Variants in TTN observed in about 807,000 individuals in gnomAD.
TTN encodes the protein titin.
A neutral mutation model predicts 3,223.0 loss-of-function variants in TTN; 1,525 were observed. The observed-to-expected ratio is 0.47, with a 90% CI of 0.45 to 0.49. The LOEUF is 0.49. Among genes scored for constraint, TTN ranks in the 20% least tolerant of loss-of-function variants. TTN has a pLI of 0.00. For synonymous variants in TTN, 14,094 were observed against 15,161.0 expected, an observed-to-expected ratio of 0.93 and a Z score of 5.17; for missense variants, 40,786 against 43,424.0, an observed-to-expected ratio of 0.94 and a Z score of 5.40.
In TTN at chr2:178,789,634, C is replaced by T. The variant is rs1244251242; in HGVS notation, c.1939-137G>A. ...CACAAGAGAAATAAACTTTCACCGG[C>T]AATGTCTACATATACTGACTGAGAA... On this transcript the variant is annotated intron_variant, in intron 12 of 362. Coordinates refer to ENST00000589042, the MANE Select transcript of TTN (RefSeq NM_001267550.2). 22 of 1,188,408 alleles carry T rather than the reference C, an allele frequency of 1.9e-5. No individual in the cohort carries two copies. In the Admixed American group the frequency reaches 3.3e-4, roughly 18 times the overall value. The allele number at this position is 1,188,408 out of a possible 1,614,324, so 73.6% of individuals were successfully genotyped here.
At position 178,600,410 on chromosome 2, in the gene TTN, CATATATATATATATATATATATAT is replaced by C. The variant is rs10684593; in HGVS notation, c.56050+420_56050+443del. Reference sequence around the variant, plus strand: ...TAATTATCAGAGGAAGAATTATTACCATATATATATATATATATATATATATATATACTTCATTAAAATGGATAT... The same window carrying C: ...TAATTATCAGAGGAAGAATTATTACCATATATACTTCATTAAAATGGATAT... On this transcript the variant is annotated intron_variant, in intron 288 of 362. Transcript: ENST00000589042. 278 of 142,250 alleles carry C rather than the reference CATATATATATATATATATATATAT, an allele frequency of 2.0e-3. 1 individual carries two copies. In the Middle Eastern group the frequency reaches 0.032, roughly 16 times the overall value. 8.8% of individuals were successfully genotyped at this position (142,250 alleles called of 1,614,324 possible).
chr2:178,679,574 T>C, intron 141 of TTN, 25 bp downstream of exon 141: 1 of 1,605,028 alleles, frequency 6.2e-7, no homozygotes, highest in Non-Finnish European at 8.5e-7. Context: ...GTCTCTTAGA[T>C]ACCCGTCAAT....
Position 178,561,797 on chromosome 2 carries a change from G to A in TTN, c.84335C>T (p.Thr28112Ile), listed in dbSNP as rs1429490203. 3.7e-6 allele frequency: 6 copies of A among 1,613,540 alleles called. No individual in the cohort carries two copies. The highest frequency in any genetic ancestry group is 1.7e-5 in the Admixed American group (1 of 59,976). The change falls in exon 326 of 363, where the codon ACA becomes ATA. Residue 28112 changes from threonine (T) to isoleucine (I), a missense_variant. Thr to Ile is a moderately conservative substitution (Grantham distance 89). Transcript: ENST00000589042. The stretch of plus-strand genomic sequence containing the variant: ...TGTCAGGCGAACTATTTTAATGGAT[G>A]TTCTTGCAACTGCTTGTGAAACTAT... ...WHIVSQAVARTSIKIVRLTTG... is the reference protein window; with the variant it reads ...WHIVSQAVARISIKIVRLTTG...
At position 178,695,441 on chromosome 2, in the gene TTN, T is replaced by C. The variant is rs73038323; in HGVS notation, c.31208-31A>G. 10,610 of 1,574,594 alleles carry C rather than the reference T, an allele frequency of 6.7e-3. 546 individuals carry two copies. The African/African-American group carries it at 0.12, about 18-fold the overall frequency. ...ATAAAAACACAGGAATAAGAAGGGATGCTTAAATAGGTAAGTTCTCTTAGG... is the reference window on the plus strand; with the variant it reads ...ATAAAAACACAGGAATAAGAAGGGACGCTTAAATAGGTAAGTTCTCTTAGG... On this transcript the variant is annotated intron_variant, in intron 114 of 362. Transcript: ENST00000589042.
Position 178,597,949 on chromosome 2 carries a change from G to C in TTN, c.57221C>G (p.Pro19074Arg). 1 of 1,613,328 alleles carries C rather than the reference G, an allele frequency of 6.2e-7. No individual in the cohort carries two copies. Among genetic ancestry groups the C allele is most frequent in the Non-Finnish European group, 8.5e-7 (1 of 1,179,556 alleles). Reference protein sequence around the residue: ...RAVNIAGIGEPGEVTDVIEMK... With the variant: ...RAVNIAGIGERGEVTDVIEMK... ...TTCAATGACATCTGTGACCTCTCCA[G>C]GTTCTCCAATGCCAGCAATGTTGAC... Residue 19074 changes from proline (P) to arginine (R), a missense_variant, in exon 293 of 363, where the codon CCT becomes CGT. Coordinates refer to ENST00000589042, the MANE Select transcript of TTN (RefSeq NM_001267550.2).
rs1245891851 is a variant in TTN, at chr2:178,769,915, T to C, written c.8666A>G (p.Lys2889Arg). Residue 2889 changes from lysine (K) to arginine (R), a missense_variant, in exon 37 of 363, where the codon AAA (lysine) becomes AGA (arginine). Physicochemically the swap from Lys to Arg is conservative, Grantham distance 26. Transcript: ENST00000589042. ...TTTGGTCTCAGGCACCTCGATATTT[T>C]TCATGGTTTTTGTAATATGTAATGC... ...VETLHITKTMKNIEVPETKTA... is the reference protein window; with the variant it reads ...VETLHITKTMRNIEVPETKTA... The C allele has an allele frequency of 1.2e-6, 2 of 1,614,108 alleles. No homozygotes were observed. Among genetic ancestry groups the C allele is most frequent in the Non-Finnish European group, 1.7e-6 (2 of 1,180,010 alleles).
chr2:178,717,109 T>G lies in TTN; in HGVS notation c.25625A>C (p.Gln8542Pro). 6.2e-7 allele frequency: 1 copy of G among 1,612,022 alleles called. No individual in the cohort carries two copies. Among genetic ancestry groups the G allele is most frequent in the Non-Finnish European group, 8.5e-7 (1 of 1,178,442 alleles). ...CTAACAAGTACCTTGTACACCCAGC[T>G]GAGCAGAACAAGAGTCTTTTCCAGC... ...NIAGKDSCSA[Q>P]LGVQEPPRFI... Residue 8542 changes from glutamine (Q) to proline (P), a missense_variant, in exon 88 of 363, where the codon CAG becomes CCG. By Grantham distance (76) the Gln-to-Pro change is moderately conservative (BLOSUM62 -1). Coordinates refer to ENST00000589042, the MANE Select transcript of TTN (RefSeq NM_001267550.2).
intron 357 of TTN, 56 bp from the exon 358 acceptor site, chr2:178,535,905 G>A: frequency 6.7e-7 from 1 of 1,502,926 alleles, no homozygotes; most frequent in Non-Finnish European, 8.9e-7. Context: ...AACAGTATGT[G>A]TTTAAGTGCA....
chr2:178,549,827 A>C lies in TTN; in HGVS notation c.91895T>G (p.Ile30632Ser), dbSNP rs1698611582. ...CCACAGAGTCATCTTCTCCCCAGTA[A>C]TATTGGTGAATCTTATTGGCCCAAC... ...KVVGPIRFTNITGEKMTLWWD... is the reference protein window; with the variant it reads ...KVVGPIRFTNSTGEKMTLWWD... The change falls in exon 338 of 363, where the codon ATT becomes AGT. Residue 30632 changes from isoleucine (I) to serine (S), a missense_variant. Coordinates refer to ENST00000589042, the MANE Select transcript of TTN (RefSeq NM_001267550.2). The C allele has an allele frequency of 6.3e-7, 1 of 1,596,012 alleles. No homozygotes were observed. Among genetic ancestry groups the C allele is most frequent in the African/African-American group, 1.3e-5 (1 of 74,210 alleles).
Position 178,651,573 on chromosome 2 carries a change from T to A in TTN, c.39464-37A>T, listed in dbSNP as rs755650956. On this transcript the variant is annotated intron_variant, in intron 206 of 362. Transcript: ENST00000589042. ...ATTAGTAGTTGTTTAAGCTCATGGTTTCAATGAAATGTGAAAATCATGAAG... is the reference window on the plus strand; with the variant it reads ...ATTAGTAGTTGTTTAAGCTCATGGTATCAATGAAATGTGAAAATCATGAAG... 4.3e-6 allele frequency: 7 copies of A among 1,611,140 alleles called. No homozygotes were observed. The South Asian group carries it at 7.7e-5, about 18-fold the overall frequency.
chr2:178,725,904 T>C lies in TTN; in HGVS notation c.20418A>G (p.Lys6806=), dbSNP rs768932465. 3.7e-6 allele frequency: 6 copies of C among 1,613,088 alleles called. No individual in the cohort carries two copies. The highest frequency in any genetic ancestry group is 5.1e-6 in the Non-Finnish European group (6 of 1,179,482). The stretch of plus-strand genomic sequence containing the variant: ...GGAAGTTTTTGGATGCAATCTTGTA[T>C]TTCTTGCTGCTTCTGAGTTGCCGCT... ...KDKRQLRSSK[K]YKIASKNFHT... is the part of the protein sequence containing the mutation. Residue 6806 remains lysine (K), a synonymous_variant, in exon 70 of 363, where the codon AAA becomes AAG. Transcript: ENST00000589042.
Position 178,632,158 on chromosome 2 carries a change from A to G in TTN, c.43736T>C (p.Leu14579Pro). ...EAMGMSSEAK[L>P]TVLEGDPYFT... ...TAAAAAGCACTTACCAAGCACAGTG[A>G]GTTTAGCTTCTGAACTCATCCCCAT... The change falls in exon 236 of 363, where the codon CTC (leucine) becomes CCC (proline). Residue 14579 changes from leucine (L) to proline (P), a missense_variant. Transcript: ENST00000589042. The G allele has an allele frequency of 6.3e-7, 1 of 1,597,900 alleles. No individual in the cohort carries two copies. Among genetic ancestry groups the G allele is most frequent in the Non-Finnish European group, 8.5e-7 (1 of 1,172,042 alleles).
Position 178,675,223 on chromosome 2 carries a change from A to G in TTN, c.34538-110T>C, listed in dbSNP as rs145717449. ...AGAGTAAATATCACAAGGCACATAC[A>G]CAAGATGAAACATTGACATTTCACA... On this transcript the variant is annotated intron_variant, in intron 149 of 362. Transcript: ENST00000589042. 2.6e-3 allele frequency: 1,586 copies of G among 605,582 alleles called. 25 individuals are homozygous for G. In the African/African-American group the frequency reaches 0.028, roughly 11 times the overall value. 37.5% of individuals were successfully genotyped at this position (605,582 alleles called of 1,614,324 possible).
intron 330 of TTN, 120 bp from the exon 331 acceptor site, chr2:178,555,272 AT>A (rs1275867269): frequency 3.3e-6 from 3 of 906,146 alleles, no homozygotes; most frequent in Non-Finnish European, 4.9e-6. Flanking sequence ...CACCATCATT[AT>A]AATTCTATGC....
chr2:178,529,091 C>T lies in TTN; in HGVS notation c.106660G>A (p.Glu35554Lys), dbSNP rs1165517840. 6.2e-7 allele frequency: 1 copy of T among 1,612,504 alleles called. No individual in the cohort carries two copies. The highest frequency in any genetic ancestry group is 8.5e-7 in the Non-Finnish European group (1 of 1,179,358). Reference protein sequence around the residue: ...ALRSEEIKMSEAKSQEKLALK... With the variant: ...ALRSEEIKMSKAKSQEKLALK... ...GCTAACTTTTCTTGAGATTTTGCCT[C>T]TGACATCTTAATTTCTTCAGACCTT... The change falls in exon 360 of 363, where the codon GAG (glutamate) becomes AAG (lysine). Residue 35554 changes from glutamate (E) to lysine (K), a missense_variant. Glu to Lys is a moderately conservative substitution (Grantham distance 56, BLOSUM62 1). Coordinates refer to ENST00000589042, the MANE Select transcript of TTN (RefSeq NM_001267550.2).
chr2:178,766,071 T>G (rs888945973), intron 41 of TTN, among the ~76,000 whole-genome samples: 1 of 152,092 alleles, frequency 6.6e-6, no homozygotes, highest in African/African-American at 2.4e-5. Context: ...AGAACTAAAA[T>G]AGTTTAACAG....
rs577445814 is a variant in TTN, at chr2:178,705,337, CCTTT to C, written c.29437_29440del (p.Lys9813GlufsTer60). 2 of 1,595,620 alleles carry C rather than the reference CCTTT, an allele frequency of 1.3e-6. No individual in the cohort carries two copies. Among genetic ancestry groups the C allele is most frequent in the African/African-American group, 1.3e-5 (1 of 74,434 alleles). On this transcript the variant is annotated frameshift_variant, in exon 103 of 363. Transcript: ENST00000589042. LOFTEE classifies it high-confidence loss of function. ...ATCAATTTCCTCTTCTTCTCCAGCT[CCTTT>C]CTTTAAGATTGGAGTCCTAAATAAA...
At position 178,729,506 on chromosome 2, in the gene TTN, T is replaced by C; in HGVS notation, c.18650A>G (p.Glu6217Gly). The stretch of plus-strand genomic sequence containing the variant: ...TGTTCCCGTAACTTCACACTCCAGC[T>C]CCACGTCACTATATTTTACTACCTC... The part of the protein sequence containing the change: ...PVEVVKYSDV[E>G]LECEVTGTPP... Residue 6217 changes from glutamate (E) to glycine (G), a missense_variant, in exon 64 of 363, where the codon GAG (glutamate) becomes GGG (glycine). Physicochemically the swap from Glu to Gly is moderately conservative, Grantham distance 98. Transcript: ENST00000589042. 2 of 1,613,548 alleles carry C rather than the reference T, an allele frequency of 1.2e-6. No individual in the cohort carries two copies. The highest frequency in any genetic ancestry group is 1.1e-5 in the South Asian group (1 of 91,076).
At position 178,542,945 on chromosome 2, in the gene TTN, C is replaced by T; in HGVS notation, c.96909G>A (p.Leu32303=). 1 of 1,594,188 alleles carries T rather than the reference C, an allele frequency of 6.3e-7. No homozygotes were observed. The highest frequency in any genetic ancestry group is 1.1e-5 in the South Asian group (1 of 88,372). ...TAVTVQDLRV[L]PTIDLSTMPQ... ...GCATTGTAGAAAGATCGATTGTTGG[C>T]AACACTATGGGAAAGAAATCAGGCA... is the stretch of plus-strand genomic sequence containing the variant. The change falls in exon 348 of 363, where the codon TTG becomes TTA. Residue 32303 remains leucine (L), a synonymous_variant. Transcript: ENST00000589042.
Sources: gnomAD v4.1 joint callset for allele counts (sites outside exome capture counted in the v4.1 genomes callset) on GRCh38, gnomAD v4.1.1 for gene constraint, MANE v1.5 for transcripts, NCBI Gene and HGNC (gene_info 2026-07-23, HGNC 2026-07-21) for gene names.